The following NMBR variants were observed in gnomAD, a reference collection of about 807,000 sequenced individuals.
NMBR encodes neuromedin-B receptor.
Under a neutral mutation model 20.5 loss-of-function variants are expected in NMBR, and 16 were observed. The ratio of observed to expected loss-of-function variants is 0.78; its 90% confidence interval spans 0.53 to 1.19. The LOEUF (loss-of-function observed/expected upper bound fraction) is 1.19. NMBR is among the 50% of genes most tolerant of loss of function. The probability of loss-of-function intolerance (pLI) is 0.00; values close to 1 mark genes in which losing one functional copy is unlikely to be tolerated. For synonymous variants in NMBR, 212 were observed against 196.6 expected, an observed-to-expected ratio of 1.08 and a Z score of -0.65; for missense variants, 582 against 499.1, an observed-to-expected ratio of 1.17 and a Z score of -1.58.
chr6:142,097,531 G>C (rs911184761), intron 1 of NMBR, among the ~76,000 whole-genome samples: 1 of 152,080 alleles, frequency 6.6e-6, no homozygotes, highest in African/African-American at 2.4e-5. Context: ...CTCGACTTAG[G>C]ATGGGGCTAC....
At chr6:142,125,481 A>ATACATGTGCATGCATATACACATG in intron 1 of NMBR, among the ~76,000 whole-genome samples, 1 of 152,030 alleles carries the variant, frequency 6.6e-6, no homozygotes, top group Non-Finnish European at 1.5e-5. Context: ...ATATACACAT[A>ATACATGTGCATGCATATACACATG]TACATGTGCA....
intron 1 of NMBR, among the ~76,000 whole-genome samples, chr6:142,139,642 A>G (rs1252668528): frequency 6.6e-6 from 1 of 152,164 alleles, no homozygotes; most frequent in African/African-American, 2.4e-5. Context: ...GCTTCCCTCT[A>G]CTTCTTTGAA....
At chr6:142,103,884 C>G (rs1344092095) in intron 1 of NMBR, among the ~76,000 whole-genome samples, 1 of 152,156 alleles carries the variant, frequency 6.6e-6, no homozygotes, top group East Asian at 1.9e-4. Flanking sequence ...AATTCTTACC[C>G]AGTCCAAATC....
chr6:142,110,729 A>G (rs1777747651), intron 1 of NMBR, among the ~76,000 whole-genome samples: 1 of 152,166 alleles, frequency 6.6e-6, no homozygotes, highest in Non-Finnish European at 1.5e-5. Flanking sequence ...TGTGATATGA[A>G]TTATATATCA....
At chr6:142,098,201 C>A (rs1229837369) in intron 1 of NMBR, among the ~76,000 whole-genome samples, 4 of 151,986 alleles carry the variant, frequency 2.6e-5, no homozygotes, top group African/African-American at 9.7e-5. Context: ...TCAGCAAACC[C>A]CAGGCAGAAG....
chr6:142,135,549 G>C (rs534686071), intron 1 of NMBR, among the ~76,000 whole-genome samples: 17 of 150,538 alleles, frequency 1.1e-4, no homozygotes, highest in Non-Finnish European at 7.4e-5. Context: ...CAATGTGCAG[G>C]TTAGTTACAT....
chr6:142,131,711 G>T (rs1356118179), intron 1 of NMBR, among the ~76,000 whole-genome samples: 2 of 152,186 alleles, frequency 1.3e-5, no homozygotes, highest in Non-Finnish European at 2.9e-5. Context: ...GTAAGAGAAA[G>T]ATTGGCATTA....
rs190259485 is a variant in NMBR, at chr6:142,144,196, C to T, written c.-664+2848G>A. 9.9e-5 allele frequency among the ~76,000 whole-genome samples: 15 copies of T among 152,112 alleles called. No individual in the cohort carries two copies. The East Asian group carries it at 2.5e-3, about 25-fold the overall frequency. ...AAATTATTTCTACTTGGGGGGGATG[C>T]TAAAATAATAGGATGTTAGTCTCAT... is the stretch of plus-strand genomic sequence containing the variant. On this transcript the variant is annotated intron_variant, in intron 1 of 3. Coordinates refer to ENST00000258042, the MANE Select transcript of NMBR (RefSeq NM_002511.4).
intron 1 of NMBR, among the ~76,000 whole-genome samples, chr6:142,097,344 A>G (rs1429638193): frequency 1.3e-5 from 2 of 152,048 alleles, no homozygotes; most frequent in African/African-American, 4.8e-5. Flanking sequence ...TGCTTCCTTC[A>G]GGAGATCTTT....
At chr6:142,092,745 C>G (rs1777354166) in intron 1 of NMBR, among the ~76,000 whole-genome samples, 1 of 152,098 alleles carries the variant, frequency 6.6e-6, no homozygotes, top group Admixed American at 6.6e-5. Flanking sequence ...CTGGAAGTCT[C>G]TCTTACTTGA....
At chr6:142,113,786 T>A (rs1777809405) in intron 1 of NMBR, among the ~76,000 whole-genome samples, 1 of 152,172 alleles carries the variant, frequency 6.6e-6, no homozygotes. Context: ...TATTTACAGA[T>A]ATTTATTTAC....
intron 2 of NMBR, 68 bp downstream of exon 2, chr6:142,088,169 G>A: frequency 1.3e-6 from 2 of 1,507,110 alleles, no homozygotes; most frequent in Non-Finnish European, 1.8e-6. Context: ...GTGCACTCCG[G>A]GTGAGTCTTC....
chr6:142,109,382 T>C (rs1014322647), intron 1 of NMBR, among the ~76,000 whole-genome samples: 11 of 151,318 alleles, frequency 7.3e-5, no homozygotes, highest in Non-Finnish European at 5.9e-5. Context: ...CTTTTTAAAA[T>C]CTCCTTCATG....
At chr6:142,076,192 G>T in intron 3 of NMBR, 143 bp from the exon 4 acceptor site, 1 of 619,034 alleles carries the variant, frequency 1.6e-6, no homozygotes, top group Non-Finnish European at 2.7e-6. Context: ...CCTCACCAAA[G>T]TGATGATGGA....
intron 1 of NMBR, among the ~76,000 whole-genome samples, chr6:142,108,981 A>T (rs1050916601): frequency 6.6e-5 from 10 of 152,190 alleles, no homozygotes; most frequent in African/African-American, 2.4e-4. Flanking sequence ...AAATGGGAGA[A>T]ATTGACCAAA....
chr6:142,119,137 T>C (rs976829659), intron 1 of NMBR, among the ~76,000 whole-genome samples: 8 of 152,004 alleles, frequency 5.3e-5, no homozygotes, highest in African/African-American at 1.9e-4. Context: ...TTACTGGTTA[T>C]GCGTCAGCCT....
intron 1 of NMBR, among the ~76,000 whole-genome samples, chr6:142,105,447 T>G (rs920647264): frequency 4.6e-5 from 7 of 152,222 alleles, no homozygotes; most frequent in Admixed American, 3.3e-4. Context: ...TGTAAATAAA[T>G]TTATAAAATC....
At chr6:142,083,333 G>T (rs549494147) in intron 2 of NMBR, among the ~76,000 whole-genome samples, 13 of 152,296 alleles carry the variant, frequency 8.5e-5, no homozygotes, top group African/African-American at 2.9e-4. Context: ...AAAAGGCTAC[G>T]AGAAAGCTCT....
At chr6:142,145,020 TAAAAAA>T (rs34522158) in intron 1 of NMBR, among the ~76,000 whole-genome samples, 1 of 97,642 alleles carries the variant, frequency 1.0e-5, no homozygotes, top group African/African-American at 4.2e-5. Context: ...AGAACCTGTC[TAAAAAA>T]AAAAAAAAAA....
Sources: allele counts gnomAD v4.1 joint callset (sites outside exome capture counted in the v4.1 genomes callset), GRCh38; gene constraint gnomAD v4.1.1; transcripts MANE v1.5; gene names NCBI Gene and HGNC (gene_info 2026-07-23, HGNC 2026-07-21).